ULK4: variants seen among roughly 807,000 people sequenced by gnomAD.
The protein encoded by ULK4 is unc-51 like kinase 4, also known as inactive serine/threonine-protein kinase ULK4.
In ULK4, 133 loss-of-function variants were observed where a neutral mutation model predicts 160.6. That is an observed-to-expected ratio of 0.83 (90% CI 0.72 to 0.96). The LOEUF (loss-of-function observed/expected upper bound fraction) is 0.96, where lower values mean the gene tolerates loss of function less well. ULK4 is among the 40% of genes least tolerant of loss of function. The probability of loss-of-function intolerance (pLI) is 0.00; values close to 1 mark genes in which losing one functional copy is unlikely to be tolerated. For missense variants in ULK4, 1,580 were observed against 1,499.5 expected (o/e 1.05, Z -0.89); for synonymous variants, 534 against 539.8 (o/e 0.99, Z 0.15).
At chr3:41,716,305 T>C (rs994494167) in intron 23 of ULK4, among the ~76,000 whole-genome samples, 7 of 150,836 alleles carry the variant, frequency 4.6e-5, no homozygotes, top group Non-Finnish European at 8.9e-5. Context: ...AAAAAGAGAA[T>C]AGGTTGGAGG....
intron 32 of ULK4, among the ~76,000 whole-genome samples, chr3:41,488,796 A>ACCACTTGG: frequency 6.6e-6 from 1 of 152,338 alleles, no homozygotes; most frequent in Non-Finnish European, 1.5e-5. Context: ...TGAGAAAAGT[A>ACCACTTGG]CCACTTGGCC....
At chr3:41,867,950 A>G (rs900848930) in intron 17 of ULK4, among the ~76,000 whole-genome samples, 1 of 152,138 alleles carries the variant, frequency 6.6e-6, no homozygotes, top group African/African-American at 2.4e-5. Context: ...CTTGTTAGAC[A>G]TTTCTAATTT....
chr3:41,705,266 C>A lies in ULK4; in HGVS notation c.2674G>T (p.Asp892Tyr). The A allele has an allele frequency of 6.2e-7, 1 of 1,613,286 alleles. No individual in the cohort carries two copies. The highest frequency in any genetic ancestry group is 1.1e-5 in the South Asian group (1 of 90,836). ...KSVDSGETNI[D>Y]GAIGLTASEE... ...AGGGTCTACTCACCTATGGCTCCAT[C>A]TATGTTCGTTTCTCCTGAGTCTACA... The change falls in exon 26 of 37, where the codon GAT becomes TAT. Residue 892 changes from aspartate (D) to tyrosine (Y), a missense_variant. By Grantham distance (160) the Asp-to-Tyr change is radical. Transcript: ENST00000301831.
intron 22 of ULK4, among the ~76,000 whole-genome samples, chr3:41,735,854 AC>A (rs2038020627): frequency 1.5e-5 from 1 of 65,026 alleles, no homozygotes; most frequent in Non-Finnish European, 2.7e-5. Context: ...CCCCCACCCC[AC>A]AACAGTCCCC....
chr3:41,322,697 T>C (rs1476503551), intron 35 of ULK4, among the ~76,000 whole-genome samples: 3 of 152,356 alleles, frequency 2.0e-5, no homozygotes, highest in East Asian at 3.9e-4. Flanking sequence ...TTCCAAGCTA[T>C]TTAATGCTCA....
intron 34 of ULK4, among the ~76,000 whole-genome samples, chr3:41,403,467 AT>A (rs1233101046): frequency 6.6e-6 from 1 of 151,966 alleles, no homozygotes; most frequent in African/African-American, 2.4e-5. Context: ...TATATTGATA[AT>A]TTCTGTCTTC....
intron 20 of ULK4, among the ~76,000 whole-genome samples, chr3:41,799,083 C>G (rs1161179528): frequency 1.3e-5 from 2 of 151,782 alleles, no homozygotes; most frequent in African/African-American, 2.4e-5. Context: ...AGTGAGGATA[C>G]GTGATGAAAA....
chr3:41,399,664 TC>T (rs2082137739), intron 34 of ULK4, among the ~76,000 whole-genome samples: 1 of 151,976 alleles, frequency 6.6e-6, no homozygotes, highest in Admixed American at 6.6e-5. Context: ...GCCTCAACCT[TC>T]TGGCTTCAAG....
chr3:41,869,738 C>T (rs1197897152), intron 17 of ULK4, among the ~76,000 whole-genome samples: 2 of 152,176 alleles, frequency 1.3e-5, no homozygotes, highest in Non-Finnish European at 2.9e-5. Flanking sequence ...ATAAAACACA[C>T]ATTTTTCTGG....
At position 41,906,507 on chromosome 3, in the gene ULK4, T is replaced by A. The variant is rs542843671; in HGVS notation, c.1182+1338A>T. On this transcript the variant is annotated intron_variant, in intron 12 of 36. Transcript: ENST00000301831. ...TTGTACCACTGTACTCCAGCCTGGA[T>A]GACAGAGTGAGACATTAACTCAAAA... is the stretch of plus-strand genomic sequence containing the variant. Among the ~76,000 whole-genome samples the A allele has an allele frequency of 1.5e-4, 23 of 151,798 alleles. No homozygotes were observed. The East Asian group carries it at 4.3e-3, about 28-fold the overall frequency.
intron 32 of ULK4, among the ~76,000 whole-genome samples, chr3:41,507,575 G>T (rs551599223): frequency 8.0e-6 from 1 of 125,396 alleles, no homozygotes; most frequent in African/African-American, 3.2e-5. Context: ...TTCTTCCCAC[G>T]GTAAAAACAG....
chr3:41,373,392 C>T (rs1034430818), intron 35 of ULK4, among the ~76,000 whole-genome samples: 2 of 152,080 alleles, frequency 1.3e-5, no homozygotes, highest in Non-Finnish European at 2.9e-5. Flanking sequence ...TGGAAGTAAA[C>T]ACTCCTCAGA....
At chr3:41,840,433 T>A (rs1559597945) in intron 17 of ULK4, among the ~76,000 whole-genome samples, 1 of 152,246 alleles carries the variant, frequency 6.6e-6, no homozygotes, top group Non-Finnish European at 1.5e-5. Context: ...TGGACTGTAC[T>A]GCCGTGGTCT....
intron 17 of ULK4, among the ~76,000 whole-genome samples, chr3:41,849,955 C>T (rs1344151465): frequency 6.6e-6 from 1 of 152,054 alleles, no homozygotes; most frequent in Non-Finnish European, 1.5e-5. Context: ...AATGCTATCC[C>T]TTCCCCTCCC....
chr3:41,434,774 T>C (rs1178062167), intron 34 of ULK4, among the ~76,000 whole-genome samples: 3 of 152,192 alleles, frequency 2.0e-5, no homozygotes, highest in Non-Finnish European at 4.4e-5. Flanking sequence ...TATAAATATA[T>C]TTTTTATTAT....
chr3:41,464,316 C>T (rs1393468911), intron 32 of ULK4, among the ~76,000 whole-genome samples: 1 of 152,104 alleles, frequency 6.6e-6, no homozygotes, highest in African/African-American at 2.4e-5. Flanking sequence ...AAGGCAGTGA[C>T]ATAGAATGAC....
At chr3:41,619,747 T>G (rs1226081140) in intron 30 of ULK4, among the ~76,000 whole-genome samples, 2 of 151,154 alleles carry the variant, frequency 1.3e-5, no homozygotes, top group African/African-American at 2.4e-5. Context: ...AGCTAGGAGA[T>G]GACAAGAAAT....
At chr3:41,910,922 C>T (rs1383040944) in intron 11 of ULK4, among the ~76,000 whole-genome samples, 8 of 152,154 alleles carry the variant, frequency 5.3e-5, no homozygotes, top group Non-Finnish European at 1.2e-4. Flanking sequence ...AAAATCACGC[C>T]ACTGCACTCC....
intron 21 of ULK4, among the ~76,000 whole-genome samples, chr3:41,776,102 C>A (rs1457045241): frequency 6.6e-6 from 1 of 150,972 alleles, no homozygotes; most frequent in East Asian, 1.9e-4. Flanking sequence ...TGGCCCATAT[C>A]TCTGCCAGCA....
Sources: allele counts gnomAD v4.1 joint callset (sites outside exome capture counted in the v4.1 genomes callset), GRCh38; gene constraint gnomAD v4.1.1; transcripts MANE v1.5; gene names NCBI Gene and HGNC (gene_info 2026-07-23, HGNC 2026-07-21).